The following AMN1 variants were observed in gnomAD, a reference collection of about 807,000 sequenced individuals.
AMN1 encodes antagonist of mitotic exit network 1 homolog, also known as protein AMN1 homolog.
Under a neutral mutation model 33.0 loss-of-function variants are expected in AMN1, and 20 were observed. The observed-to-expected ratio is 0.61, with a 90% CI of 0.43 to 0.88. AMN1 has a LOEUF of 0.88. Among genes scored for constraint, AMN1 ranks in the 40% least tolerant of loss-of-function variants. AMN1 has a pLI of 0.00. For missense variants in AMN1, 246 were observed against 307.4 expected (o/e 0.80, Z 1.49); for synonymous variants, 114 against 111.9 (o/e 1.02, Z -0.12).
rs892068039 is a variant in AMN1 at position 31,683,417 on chromosome 12, C to G, written c.703+5590G>C. On this transcript the variant is annotated intron_variant, in intron 6 of 6. Coordinates refer to ENST00000281471, the MANE Select transcript of AMN1 (RefSeq NM_001113402.2). The surrounding 1 kb of genome is among the most constrained non-coding windows in gnomAD (Gnocchi z 4.1). ...AACTAGTTACTTTTCTCATGGAACA[C>G]CATTTTTACTTTTTAAAAGAATGAT... Among the ~76,000 whole-genome samples the G allele has an allele frequency of 1.3e-5, 2 of 152,148 alleles. No homozygotes were observed. Among genetic ancestry groups the G allele is most frequent in the African/African-American group, 4.8e-5 (2 of 41,434 alleles).
chr12:31,718,987 C>T (rs890337288), intron 1 of AMN1, among the ~76,000 whole-genome samples: 1 of 152,274 alleles, frequency 6.6e-6, no homozygotes, highest in Non-Finnish European at 1.5e-5. Context: ...GGGTATGGGA[C>T]CTGCCAAGCC....
At chr12:31,680,493 T>G (rs984911564) in intron 6 of AMN1, among the ~76,000 whole-genome samples, 2 of 152,182 alleles carry the variant, frequency 1.3e-5, no homozygotes, top group Non-Finnish European at 2.9e-5. Flanking sequence ...TGAGCCACCA[T>G]ACACAGCCAA....
chr12:31,691,710 A>G (rs1938506959), intron 5 of AMN1, among the ~76,000 whole-genome samples: 1 of 152,220 alleles, frequency 6.6e-6, no homozygotes, highest in African/African-American at 2.4e-5. Flanking sequence ...TAATAGAAAA[A>G]GTATCCATTT....
At chr12:31,674,766 T>TC (rs924627126) in intron 6 of AMN1, among the ~76,000 whole-genome samples, 6 of 151,444 alleles carry the variant, frequency 4.0e-5, no homozygotes, top group Admixed American at 6.6e-5. Flanking sequence ...TGCCTGTAAT[T>TC]CCAGCACTTT....
At chr12:31,693,549 C>CT (rs922316762) in intron 5 of AMN1, among the ~76,000 whole-genome samples, 26 of 139,692 alleles carry the variant, frequency 1.9e-4, no homozygotes, top group Middle Eastern at 4.1e-3. Context: ...TTTCTTTTTT[C>CT]TTTTTTTTTT....
chr12:31,702,567 A>T (rs74338016), intron 2 of AMN1, among the ~76,000 whole-genome samples: 32,679 of 150,956 alleles, frequency 0.22, 3,798 homozygotes, highest in Non-Finnish European at 0.27. Flanking sequence ...TCTGTTCTTT[A>T]TTTTTTTTCC....
At chr12:31,701,530 G>A (rs1366736754) in intron 3 of AMN1, among the ~76,000 whole-genome samples, 1 of 152,060 alleles carries the variant, frequency 6.6e-6, no homozygotes, top group African/African-American at 2.4e-5. Flanking sequence ...GGCTGGCATC[G>A]AACTCCTTGG....
intron 6 of AMN1, among the ~76,000 whole-genome samples, chr12:31,684,447 A>G (rs190278501): frequency 5.8e-4 from 89 of 152,194 alleles, no homozygotes; most frequent in Middle Eastern, 6.8e-3. Flanking sequence ...ATACATAAAC[A>G]AAAACTCTTT....
intron 1 of AMN1, among the ~76,000 whole-genome samples, chr12:31,722,972 G>C (rs1283151066): frequency 6.6e-6 from 1 of 152,100 alleles, no homozygotes; most frequent in African/African-American, 2.4e-5. Context: ...GGCTGGCCAA[G>C]CTGGTGAGAC....
Position 31,687,904 on chromosome 12 carries a change from T to C in AMN1, c.703+1103A>G, listed in dbSNP as rs575657675. Among the ~76,000 whole-genome samples the C allele has an allele frequency of 6.6e-6, 1 of 152,258 alleles. No homozygotes were observed. The highest frequency in any genetic ancestry group is 1.5e-5 in the Non-Finnish European group (1 of 68,006). On this transcript the variant is annotated intron_variant, in intron 6 of 6. Coordinates refer to ENST00000281471, the MANE Select transcript of AMN1 (RefSeq NM_001113402.2). The surrounding 1 kb of genome is among the most constrained non-coding windows in gnomAD (Gnocchi z 4.1). ...GGCAAAATGGGCTACTGCTGTTTTG[T>C]TCTCCTCCAGTGAAGAGCCACATTA...
chr12:31,673,760 G>A (rs1172696071), intron 6 of AMN1: 3 of 321,382 alleles, frequency 9.3e-6, no homozygotes, highest in East Asian at 1.7e-4. Flanking sequence ...GCCACTAGAA[G>A]AAAGGATTAC....
intron 3 of AMN1, among the ~76,000 whole-genome samples, chr12:31,700,153 T>TAA (rs751705879): frequency 7.5e-6 from 1 of 133,696 alleles, no homozygotes; most frequent in Non-Finnish European, 1.6e-5. Flanking sequence ...TTCTTATATT[T>TAA]AAAAAAAAAA....
At chr12:31,676,372 G>A (rs1937695599) in intron 6 of AMN1, among the ~76,000 whole-genome samples, 1 of 151,518 alleles carries the variant, frequency 6.6e-6, no homozygotes, top group African/African-American at 2.4e-5. Context: ...CACTTTGGGA[G>A]GCCAAGGCAG....
In AMN1 at chr12:31,725,536, C is replaced by G. The variant is rs116757962; in HGVS notation, c.38+3435G>C. The stretch of plus-strand genomic sequence containing the variant: ...AATAAAAGAGTTTTGGCAACATGGA[C>G]TGCTTCTAATGTAAGTGTTACATAA... On this transcript the variant is annotated intron_variant, in intron 1 of 6. Transcript: ENST00000281471. 7.3e-3 allele frequency among the ~76,000 whole-genome samples: 1,117 copies of G among 152,270 alleles called. 10 individuals carry two copies. The highest frequency in any genetic ancestry group is 0.023 in the African/African-American group (953 of 41,546).
At chr12:31,694,096 T>C (rs1374074778) in intron 5 of AMN1, among the ~76,000 whole-genome samples, 1 of 151,124 alleles carries the variant, frequency 6.6e-6, no homozygotes, top group African/African-American at 2.4e-5. Flanking sequence ...CAGATTAAAA[T>C]GTGATGAAAG....
intron 1 of AMN1, among the ~76,000 whole-genome samples, chr12:31,712,906 G>A (rs567572980): frequency 5.7e-4 from 85 of 149,684 alleles, no homozygotes; most frequent in African/African-American, 2.0e-3. Context: ...CACACGCCTC[G>A]GCCTCCCAAA....
At chr12:31,713,267 T>G (rs557873395) in intron 1 of AMN1, among the ~76,000 whole-genome samples, 8 of 152,290 alleles carry the variant, frequency 5.3e-5, no homozygotes, top group African/African-American at 1.9e-4. Flanking sequence ...TATATGTGTT[T>G]GCACATAAAT....
intron 1 of AMN1, among the ~76,000 whole-genome samples, chr12:31,728,465 G>A (rs1465304977): frequency 6.6e-6 from 1 of 152,124 alleles, no homozygotes; most frequent in Non-Finnish European, 1.5e-5. Flanking sequence ...TTACGTTACC[G>A]GTCCATGGTC....
At chr12:31,729,074 C>T, upstream of AMN1, 1 of 1,439,110 alleles carries the variant, frequency 6.9e-7, no homozygotes, top group Non-Finnish European at 9.3e-7. Context: ...GGACCGTCCG[C>T]CAACTCCCGC....
Sources: allele counts gnomAD v4.1 joint callset (sites outside exome capture counted in the v4.1 genomes callset), GRCh38; gene constraint gnomAD v4.1.1; non-coding constraint Gnocchi (gnomAD v3.1); transcripts MANE v1.5; gene names NCBI Gene and HGNC (gene_info 2026-07-23, HGNC 2026-07-21).